Variants in CPVL observed in about 807,000 individuals in gnomAD.
The protein encoded by CPVL is carboxypeptidase vitellogenic like.
Under a neutral mutation model 63.7 loss-of-function variants are expected in CPVL, and 51 were observed. That is an observed-to-expected ratio of 0.80 (90% CI 0.64 to 1.01). The LOEUF (loss-of-function observed/expected upper bound fraction) is 1.01. Ranked by LOEUF, CPVL falls within the 50% of genes least tolerant of loss-of-function variation. The pLI, the probability that CPVL is intolerant of heterozygous loss-of-function variation, is 0.00. For synonymous variants in CPVL, 195 were observed against 206.0 expected (o/e 0.95, Z 0.46); for missense variants, 530 against 573.1 (o/e 0.92, Z 0.77).
intron 1 of CPVL, among the ~76,000 whole-genome samples, chr7:29,132,022 A>G (rs753415757): frequency 6.6e-6 from 1 of 152,240 alleles, no homozygotes; most frequent in African/African-American, 2.4e-5. Flanking sequence ...ACTGAGGAAG[A>G]GAGATAGGCG....
intron 10 of CPVL, among the ~76,000 whole-genome samples, chr7:29,064,646 G>T (rs1347183690): frequency 6.6e-6 from 1 of 152,168 alleles, no homozygotes; most frequent in Non-Finnish European, 1.5e-5. Context: ...CAGGTTGGTG[G>T]TGTGCTGGAT....
chr7:29,173,273 T>C (rs1796850402), intron 5 of CPVL, among the ~76,000 whole-genome samples: 1 of 152,150 alleles, frequency 6.6e-6, no homozygotes, highest in Non-Finnish European at 1.5e-5. Flanking sequence ...GCCCTGTAGC[T>C]GGCATTGCCC....
intron 2 of CPVL, 116 bp downstream of exon 2, chr7:29,120,777 C>T (rs958714672): frequency 3.6e-5 from 36 of 987,380 alleles, no homozygotes; most frequent in African/African-American, 1.7e-4. Context: ...GCTGAGATCG[C>T]GCCACTGACC....
At chr7:29,074,904 A>G (rs1784093269) in intron 7 of CPVL, among the ~76,000 whole-genome samples, 1 of 152,012 alleles carries the variant, frequency 6.6e-6, no homozygotes, top group African/African-American at 2.4e-5. Context: ...ATGATAGAGC[A>G]AAGTTTACGA....
chr7:29,013,958 G>C (rs530977561), intron 12 of CPVL, among the ~76,000 whole-genome samples: 9 of 152,338 alleles, frequency 5.9e-5, no homozygotes, highest in Admixed American at 2.0e-4. Flanking sequence ...TGCCTGGTTT[G>C]TCTGGCCTGT....
intron 5 of CPVL, among the ~76,000 whole-genome samples, chr7:29,157,471 C>T (rs245904): frequency 0.25 from 37,281 of 152,150 alleles, 4,574 homozygotes; most frequent in Non-Finnish European, 0.26. Context: ...AAGTTAGCTT[C>T]GCACAGTGGC....
intron 12 of CPVL, among the ~76,000 whole-genome samples, chr7:29,025,072 G>C (rs573028269): frequency 6.6e-6 from 1 of 152,286 alleles, no homozygotes; most frequent in African/African-American, 2.4e-5. Flanking sequence ...TCACCTATCA[G>C]TAATAACTTT....
chr7:29,130,163 T>G (rs1790539033), intron 1 of CPVL, among the ~76,000 whole-genome samples: 9 of 152,148 alleles, frequency 5.9e-5, no homozygotes, highest in Admixed American at 5.9e-4. Context: ...TGATTGGAGA[T>G]CAGGAAGACT....
intron 5 of CPVL, among the ~76,000 whole-genome samples, chr7:29,169,769 G>A (rs1169362968): frequency 2.0e-5 from 3 of 152,054 alleles, no homozygotes; most frequent in Non-Finnish European, 4.4e-5. Flanking sequence ...CAGAGCTGGT[G>A]TGCCTATAGA....
At chr7:29,037,493 C>A (rs1584059778) in intron 11 of CPVL, among the ~76,000 whole-genome samples, 1 of 134,876 alleles carries the variant, frequency 7.4e-6, no homozygotes, top group East Asian at 2.1e-4. Flanking sequence ...GCGGAGCTTG[C>A]AGTGAGCTGC....
chr7:29,129,505 C>T (rs1012345828), intron 1 of CPVL, among the ~76,000 whole-genome samples: 4 of 150,278 alleles, frequency 2.7e-5, no homozygotes, highest in Admixed American at 6.6e-5. Context: ...GAGTCTCGCT[C>T]GGTCGCCAGG....
chr7:29,028,838 G>A lies in CPVL; in HGVS notation c.1320+1739C>T, dbSNP rs529126513. Among the ~76,000 whole-genome samples the A allele has an allele frequency of 8.8e-4, 133 of 151,900 alleles. 1 individual carries two copies. The highest frequency in any genetic ancestry group is 2.9e-3 in the African/African-American group (121 of 41,422). On this transcript the variant is annotated intron_variant, in intron 12 of 12. Coordinates refer to ENST00000265394, the MANE Select transcript of CPVL (RefSeq NM_031311.5). ...AACTTAGCCGGGTGTGGTGGCAGGC[G>A]CCTGTAGTCCCAGCTACTCGGAAGG...
chr7:29,086,587 A>G lies in CPVL; in HGVS notation c.543-37T>C, dbSNP rs527593914. ...AGAACAAGAACAACACAAATTAATCAGAAAAATGATTCAGGATCTCTTCAT... is the reference window on the plus strand; with the variant it reads ...AGAACAAGAACAACACAAATTAATCGGAAAAATGATTCAGGATCTCTTCAT... On this transcript the variant is annotated intron_variant, in intron 6 of 12. Coordinates refer to ENST00000265394, the MANE Select transcript of CPVL (RefSeq NM_031311.5). 5.6e-6 allele frequency: 8 copies of G among 1,434,126 alleles called. No homozygotes were observed. The South Asian group carries it at 9.2e-5, about 17-fold the overall frequency. The allele number at this position is 1,434,126 out of a possible 1,614,324, so 88.8% of individuals were successfully genotyped here.
intron 5 of CPVL, among the ~76,000 whole-genome samples, chr7:29,178,711 A>G (rs1442194426): frequency 6.6e-6 from 1 of 152,152 alleles, no homozygotes; most frequent in Non-Finnish European, 1.5e-5. Flanking sequence ...GGGCTCAGTT[A>G]TTGTTTGTTG....
At chr7:29,059,664 AGTCTGG>A (rs1791079888) in intron 11 of CPVL, among the ~76,000 whole-genome samples, 1 of 152,188 alleles carries the variant, frequency 6.6e-6, no homozygotes, top group Admixed American at 6.5e-5. Flanking sequence ...AACACTCAAC[AGTCTGG>A]GTATACAAGA....
chr7:29,149,189 C>CTTTTTTTTTTTT (rs60520174), upstream of CPVL, among the ~76,000 whole-genome samples: 1 of 100,340 alleles, frequency 1.0e-5, no homozygotes, highest in Non-Finnish European at 1.8e-5. Flanking sequence ...GTCTGTTTCC[C>CTTTTTTTTTTTT]TTTTTTTTTT....
intron 6 of CPVL, among the ~76,000 whole-genome samples, chr7:29,088,740 G>A (rs781769923): frequency 1.3e-5 from 2 of 152,096 alleles, no homozygotes; most frequent in Non-Finnish European, 2.9e-5. Context: ...CCTGTGGGAG[G>A]CCGAGGCGGG....
chr7:29,013,020 C>T (rs755803200), intron 12 of CPVL: 1 of 152,216 alleles, frequency 6.6e-6, no homozygotes, highest in Non-Finnish European at 1.5e-5. Context: ...CAAAAGGAAT[C>T]TGCTTTGCTC....
chr7:29,146,124 CCCGGAGGAGCT>C (rs1277932236), intron 1 of CPVL: 1 of 156,134 alleles, frequency 6.4e-6, no homozygotes, highest in African/African-American at 2.4e-5. Context: ...TTCGTACTTC[CCCGGAGGAGCT>C]CCTGGAGTAG....
Sources: allele counts gnomAD v4.1 joint callset (sites outside exome capture counted in the v4.1 genomes callset), GRCh38; gene constraint gnomAD v4.1.1; transcripts MANE v1.5; gene names NCBI Gene and HGNC (gene_info 2026-07-23, HGNC 2026-07-21).